Variants in ARHGEF26 observed in about 807,000 individuals in gnomAD.
ARHGEF26 encodes Rho guanine nucleotide exchange factor (GEF) 26.
In ARHGEF26, 59 loss-of-function variants were observed where a neutral mutation model predicts 89.4. That is an observed-to-expected ratio of 0.66 (90% CI 0.54 to 0.82). The LOEUF (loss-of-function observed/expected upper bound fraction) is 0.82, where lower values mean the gene tolerates loss of function less well. Among genes scored for constraint, ARHGEF26 ranks in the 40% least tolerant of loss-of-function variants. The pLI, the probability that ARHGEF26 is intolerant of heterozygous loss-of-function variation, is 0.00. For synonymous variants in ARHGEF26, 500 were observed against 428.4 expected (o/e 1.17, Z -2.06); for missense variants, 1,234 against 1,085.6 (o/e 1.14, Z -1.92).
intron 4 of ARHGEF26, among the ~76,000 whole-genome samples, chr3:154,143,128 T>G (rs1467472332): frequency 6.6e-6 from 1 of 152,226 alleles, no homozygotes; most frequent in Non-Finnish European, 1.5e-5. Flanking sequence ...TTATTCGAAG[T>G]GTTGCTTTAA....
At chr3:154,146,967 A>G (rs1719738922) in intron 4 of ARHGEF26, among the ~76,000 whole-genome samples, 1 of 152,238 alleles carries the variant, frequency 6.6e-6, no homozygotes, top group African/African-American at 2.4e-5. Context: ...TGTTGATGAC[A>G]TATTTAAATA....
chr3:154,174,767 A>G (rs1043007087), intron 6 of ARHGEF26, among the ~76,000 whole-genome samples: 16 of 152,296 alleles, frequency 1.1e-4, no homozygotes, highest in Admixed American at 9.8e-4. Flanking sequence ...AGTAAAAACA[A>G]AGTAGCCTTT....
At chr3:154,138,098 A>C (rs1182705501) in intron 4 of ARHGEF26, among the ~76,000 whole-genome samples, 1 of 152,220 alleles carries the variant, frequency 6.6e-6, no homozygotes, top group Non-Finnish European at 1.5e-5. Context: ...CATGATCTAC[A>C]GTGTTATAAC....
intron 9 of ARHGEF26, among the ~76,000 whole-genome samples, chr3:154,201,102 A>G (rs1714603049): frequency 6.6e-6 from 1 of 152,050 alleles, no homozygotes; most frequent in Non-Finnish European, 1.5e-5. Flanking sequence ...TGCTGCACCC[A>G]TTAACTCTTC....
rs927803226 is a variant in ARHGEF26, at chr3:154,198,048, A to G, written c.1845+3330A>G. ...CCCAGAGGCAAAATAGTCAAGCTCTATTTAATCTTTTCGTATAACGTATTG... is the reference window on the plus strand; with the variant it reads ...CCCAGAGGCAAAATAGTCAAGCTCTGTTTAATCTTTTCGTATAACGTATTG... On this transcript the variant is annotated intron_variant, in intron 9 of 14. Coordinates refer to ENST00000465093, the MANE Select transcript of ARHGEF26 (RefSeq NM_015595.4). 5.3e-5 allele frequency among the ~76,000 whole-genome samples: 8 copies of G among 152,288 alleles called. No homozygotes were observed. In the East Asian group the frequency reaches 7.7e-4, roughly 15 times the overall value.
intron 6 of ARHGEF26, among the ~76,000 whole-genome samples, chr3:154,159,850 A>G (rs1711556185): frequency 6.6e-6 from 1 of 152,154 alleles, no homozygotes; most frequent in South Asian, 2.1e-4. Context: ...TTTAAAGGAA[A>G]AACACATTAA....
chr3:154,218,859 G>A (rs1381226086), intron 10 of ARHGEF26, among the ~76,000 whole-genome samples: 1 of 152,210 alleles, frequency 6.6e-6, no homozygotes, highest in Non-Finnish European at 1.5e-5. Flanking sequence ...AAGAAACCCA[G>A]AGAATAATTG....
At position 154,255,366 on chromosome 3, in the gene ARHGEF26, A is replaced by G. The variant is rs945054174; in HGVS notation, c.2509A>G (p.Arg837Gly). 3.7e-6 allele frequency: 6 copies of G among 1,613,656 alleles called. No homozygotes were observed. In the Admixed American group the frequency reaches 6.7e-5, roughly 18 times the overall value. Residue 837 changes from arginine (R) to glycine (G), a missense_variant, in exon 15 of 15, where the codon AGA becomes GGA. Transcript: ENST00000465093. ...GGGGGAACGACTACGAGATGGAGAA[A>G]GAGGCTGGTTTCCTATGGAATGTGC... is the stretch of plus-strand genomic sequence containing the variant. ...YEGERLRDGE[R>G]GWFPMECAKE...
intron 4 of ARHGEF26, among the ~76,000 whole-genome samples, chr3:154,146,806 AAGATAT>A (rs1576701700): frequency 6.6e-6 from 1 of 152,208 alleles, no homozygotes; most frequent in African/African-American, 2.4e-5. Flanking sequence ...TAAAATGCTG[AAGATAT>A]AGACATATGT....
intron 12 of ARHGEF26, among the ~76,000 whole-genome samples, chr3:154,246,994 C>G (rs961721431): frequency 1.3e-5 from 2 of 152,154 alleles, no homozygotes; most frequent in African/African-American, 2.4e-5. Flanking sequence ...TCCTCTGGCA[C>G]CCTGTTGAGG....
intron 9 of ARHGEF26, among the ~76,000 whole-genome samples, chr3:154,205,199 T>C (rs573534129): frequency 1.3e-5 from 2 of 152,308 alleles, no homozygotes; most frequent in South Asian, 4.1e-4. Context: ...GTTGAGTTCA[T>C]ATATATTTAA....
In ARHGEF26 at chr3:154,191,286, C is replaced by G. The variant is rs1310119471; in HGVS notation, c.1641-3C>G. The G allele has an allele frequency of 1.2e-6, 2 of 1,604,990 alleles. No homozygotes were observed. The highest frequency in any genetic ancestry group is 1.7e-6 in the Non-Finnish European group (2 of 1,176,288). ...AGTTTCTCTTTTCTTTGTTTTCCCT[C>G]AGAGCTACCAATCCATCCTTTAAGG... is the stretch of plus-strand genomic sequence containing the variant. On this transcript the variant is annotated splice_polypyrimidine_tract_variant and splice_region_variant and intron_variant, in intron 7 of 14. Coordinates refer to ENST00000465093, the MANE Select transcript of ARHGEF26 (RefSeq NM_015595.4).
At chr3:154,208,913 A>C (rs891097742) in intron 9 of ARHGEF26, among the ~76,000 whole-genome samples, 1 of 151,608 alleles carries the variant, frequency 6.6e-6, no homozygotes, top group Admixed American at 6.6e-5. Context: ...TTACAGGCAC[A>C]TACCACCATG....
At chr3:154,209,195 C>T (rs1210351963) in intron 9 of ARHGEF26, among the ~76,000 whole-genome samples, 4 of 152,140 alleles carry the variant, frequency 2.6e-5, no homozygotes, top group Non-Finnish European at 4.4e-5. Context: ...TGAGTTTCCT[C>T]AACACAGCTA....
rs886123012 is a variant in ARHGEF26 at position 154,157,076 on chromosome 3, A to G, written c.1487+4144A>G. The stretch of plus-strand genomic sequence containing the variant: ...ATTTATGTAAGTTGACACTATTTGA[A>G]AACAGACAAGCAGGGACAACGATCA... On this transcript the variant is annotated intron_variant, in intron 6 of 14. Transcript: ENST00000465093. Among the ~76,000 whole-genome samples the G allele has an allele frequency of 5.9e-5, 9 of 152,270 alleles. No individual in the cohort carries two copies. In the East Asian group the frequency reaches 1.7e-3, roughly 29 times the overall value.
chr3:154,224,328 A>G (rs1716331135), intron 10 of ARHGEF26, among the ~76,000 whole-genome samples: 1 of 152,196 alleles, frequency 6.6e-6, no homozygotes, highest in Non-Finnish European at 1.5e-5. Flanking sequence ...TGTCAATTTT[A>G]GGTGTTTATA....
intron 14 of ARHGEF26, 128 bp from the exon 15 acceptor site, chr3:154,255,203 C>A: frequency 3.1e-6 from 3 of 970,740 alleles, no homozygotes; most frequent in Non-Finnish European, 4.6e-6. Flanking sequence ...CTTTCCCTGT[C>A]CCACTTTCTC....
At position 154,137,089 on chromosome 3, in the gene ARHGEF26, C is replaced by T. The variant is rs1719055035; in HGVS notation, c.1269+7370C>T. Among the ~76,000 whole-genome samples, 3 of 152,124 alleles carry T rather than the reference C, an allele frequency of 2.0e-5. No homozygotes were observed. The South Asian group carries it at 6.2e-4, about 32-fold the overall frequency. On this transcript the variant is annotated intron_variant, in intron 4 of 14. Coordinates refer to ENST00000465093, the MANE Select transcript of ARHGEF26 (RefSeq NM_015595.4). ...GATCCATGGTTTGGATATTTTTCCC[C>T]TCCAAAACTCATATGGAAATTTAAT...
intron 9 of ARHGEF26, among the ~76,000 whole-genome samples, chr3:154,209,868 G>A (rs946184792): frequency 2.0e-5 from 3 of 152,174 alleles, no homozygotes; most frequent in Non-Finnish European, 2.9e-5. Context: ...CAGGTGGGTC[G>A]AGAGGTACCG....
Sources: gnomAD v4.1 joint callset for allele counts (sites outside exome capture counted in the v4.1 genomes callset) on GRCh38, gnomAD v4.1.1 for gene constraint, MANE v1.5 for transcripts, NCBI Gene and HGNC (gene_info 2026-07-23, HGNC 2026-07-21) for gene names.